The following MARCHF1 variants were observed in gnomAD, a reference collection of about 807,000 sequenced individuals.
MARCHF1 encodes the protein E3 ubiquitin-protein ligase MARCHF1.
In MARCHF1, 40 loss-of-function variants were observed where a neutral mutation model predicts 54.2. The observed-to-expected ratio is 0.74, with a 90% confidence interval of 0.57 to 0.96. The LOEUF is 0.96. Ranked by LOEUF, MARCHF1 falls within the 40% of genes least tolerant of loss-of-function variation. MARCHF1 has a pLI of 0.00. For synonymous variants in MARCHF1, 236 were observed against 236.3 expected, an observed-to-expected ratio of 1.00 and a Z score of 0.01; for missense variants, 586 against 656.5, an observed-to-expected ratio of 0.89 and a Z score of 1.17.
intron 2 of MARCHF1, among the ~76,000 whole-genome samples, chr4:164,074,523 T>C (rs980405765): frequency 1.3e-5 from 2 of 152,214 alleles, no homozygotes; most frequent in Non-Finnish European, 2.9e-5. Context: ...TTCATCTAAA[T>C]ACTTTTTGCT....
intron 1 of MARCHF1, among the ~76,000 whole-genome samples, chr4:164,247,557 T>C (rs1579657953): frequency 6.8e-6 from 1 of 147,752 alleles, no homozygotes; most frequent in East Asian, 2.0e-4. Context: ...TGTATACATA[T>C]GTAACTAACA....
At chr4:164,268,714 GACT>G (rs1187989174) in intron 1 of MARCHF1, among the ~76,000 whole-genome samples, 20 of 151,896 alleles carry the variant, frequency 1.3e-4, no homozygotes, top group Non-Finnish European at 2.4e-4. Context: ...ATCAAATTCT[GACT>G]ACTATTAAAA....
chr4:164,103,069 C>G (rs942238866), intron 2 of MARCHF1, among the ~76,000 whole-genome samples: 1 of 91,176 alleles, frequency 1.1e-5, no homozygotes, highest in African/African-American at 4.1e-5. Context: ...AGCTAACTAT[C>G]CTAAATATAT....
At chr4:164,265,939 T>G (rs1733599581) in intron 1 of MARCHF1, among the ~76,000 whole-genome samples, 1 of 152,234 alleles carries the variant, frequency 6.6e-6, no homozygotes, top group Non-Finnish European at 1.5e-5. Context: ...ATCAAATTTA[T>G]AATTTTAAAA....
chr4:163,689,824 A>G (rs1204078624), intron 5 of MARCHF1, among the ~76,000 whole-genome samples: 1 of 152,254 alleles, frequency 6.6e-6, no homozygotes, highest in Non-Finnish European at 1.5e-5. Flanking sequence ...TCATAAGTCT[A>G]CTAATTTATA....
chr4:164,263,970 G>A (rs1579672337), intron 1 of MARCHF1, among the ~76,000 whole-genome samples: 1 of 152,088 alleles, frequency 6.6e-6, no homozygotes, highest in Non-Finnish European at 1.5e-5. Flanking sequence ...GTTACCATTC[G>A]ACCCAGTAAT....
chr4:163,759,722 G>A (rs1157267528), intron 4 of MARCHF1, among the ~76,000 whole-genome samples: 3 of 152,188 alleles, frequency 2.0e-5, no homozygotes, highest in Non-Finnish European at 4.4e-5. Context: ...TTTTTTAAAA[G>A]ACTTTTTTCT....
intron 7 of MARCHF1, among the ~76,000 whole-genome samples, chr4:163,599,220 G>A (rs1740869553): frequency 6.6e-6 from 1 of 151,950 alleles, no homozygotes; most frequent in Admixed American, 6.6e-5. Flanking sequence ...AACCCAGGAG[G>A]TGGAGGTTGC....
chr4:163,897,041 T>A (rs1750824992), intron 3 of MARCHF1, among the ~76,000 whole-genome samples: 2 of 152,218 alleles, frequency 1.3e-5, no homozygotes, highest in African/African-American at 4.8e-5. Context: ...TTTACAATTT[T>A]AATATCCACA....
intron 2 of MARCHF1, among the ~76,000 whole-genome samples, chr4:164,072,909 T>G (rs1754899355): frequency 6.6e-6 from 1 of 152,170 alleles, no homozygotes; most frequent in Non-Finnish European, 1.5e-5. Flanking sequence ...CAGGAACAAT[T>G]AGCATCTCAT....
chr4:163,923,826 G>A (rs186171226), intron 3 of MARCHF1, among the ~76,000 whole-genome samples: 5 of 151,316 alleles, frequency 3.3e-5, no homozygotes, highest in Admixed American at 3.3e-4. Flanking sequence ...ATCTTACAAT[G>A]CAGACATAAA....
rs372539869 is a variant in MARCHF1, at chr4:163,709,966, T to C, written c.112-9103A>G. Among the ~76,000 whole-genome samples the C allele has an allele frequency of 4.6e-5, 7 of 152,198 alleles. No individual in the cohort carries two copies. In the East Asian group the frequency reaches 9.6e-4, roughly 21 times the overall value. ...TGTGCTAGAAAGATAATAAGGACAA[T>C]TGCTTGTAAGTTGCCACATTTATTA... On this transcript the variant is annotated intron_variant, in intron 4 of 9. Coordinates refer to ENST00000514618, the MANE Select transcript of MARCHF1 (RefSeq NM_001394959.1).
At chr4:164,195,009 C>G (rs900286605) in intron 1 of MARCHF1, among the ~76,000 whole-genome samples, 4 of 151,926 alleles carry the variant, frequency 2.6e-5, no homozygotes, top group Non-Finnish European at 5.9e-5. Flanking sequence ...GTTCCCCGCC[C>G]TGTATCCGTA....
intron 2 of MARCHF1, among the ~76,000 whole-genome samples, chr4:164,043,022 G>C (rs1312090390): frequency 6.6e-6 from 1 of 152,206 alleles, no homozygotes; most frequent in African/African-American, 2.4e-5. Flanking sequence ...AGCTCTGTAA[G>C]GTACAGCCCC....
At chr4:164,242,715 A>G (rs1732811646) in intron 1 of MARCHF1, among the ~76,000 whole-genome samples, 1 of 152,214 alleles carries the variant, frequency 6.6e-6, no homozygotes, top group South Asian at 2.1e-4. Context: ...AAGGCAAATA[A>G]GTTGAAAACT....
chr4:163,605,186 T>A (rs1421011046), intron 7 of MARCHF1, among the ~76,000 whole-genome samples: 1 of 152,086 alleles, frequency 6.6e-6, no homozygotes, highest in African/African-American at 2.4e-5. Context: ...ATATCCAGAA[T>A]CTACAAAGAA....
At chr4:164,153,431 C>A (rs888659646) in intron 1 of MARCHF1, among the ~76,000 whole-genome samples, 2 of 152,030 alleles carry the variant, frequency 1.3e-5, no homozygotes, top group Non-Finnish European at 2.9e-5. Context: ...TATATAAACA[C>A]AAGTTGTTAA....
At position 163,883,307 on chromosome 4, in the gene MARCHF1, G is replaced by T. The variant is rs758705963; in HGVS notation, c.-38-29138C>A. ...AGAGATTACATTTAACTCAATTATT[G>T]TTGATCCATATTAAACAAGCAAGAA... is the stretch of plus-strand genomic sequence containing the variant. On this transcript the variant is annotated intron_variant, in intron 3 of 9. Transcript: ENST00000514618. Among the ~76,000 whole-genome samples the T allele has an allele frequency of 4.1e-5, 6 of 146,804 alleles. No individual in the cohort carries two copies. The South Asian group carries it at 1.1e-3, about 26-fold the overall frequency.
intron 1 of MARCHF1, among the ~76,000 whole-genome samples, chr4:164,183,264 GC>G (rs1730880960): frequency 6.6e-6 from 1 of 152,000 alleles, no homozygotes; most frequent in African/African-American, 2.4e-5. Flanking sequence ...ACTTATTATT[GC>G]CAAATGAATG....
Sources: allele counts gnomAD v4.1 joint callset (sites outside exome capture counted in the v4.1 genomes callset), GRCh38; gene constraint gnomAD v4.1.1; transcripts MANE v1.5; gene names NCBI Gene and HGNC (gene_info 2026-07-23, HGNC 2026-07-21).